Variants in PMEPA1 observed in about 807,000 individuals in gnomAD.
PMEPA1 encodes the protein prostate transmembrane protein, androgen induced 1, also known as protein TMEPAI.
Under a neutral mutation model 23.0 loss-of-function variants are expected in PMEPA1, and 11 were observed. The ratio of observed to expected loss-of-function variants is 0.48; its 90% CI spans 0.30 to 0.79. The LOEUF (loss-of-function observed/expected upper bound fraction) is 0.79, where lower values mean the gene tolerates loss of function less well. Among genes scored for constraint, PMEPA1 ranks in the 30% least tolerant of loss-of-function variants. The pLI, the probability that PMEPA1 is intolerant of heterozygous loss-of-function variation, is 0.06. For missense variants in PMEPA1, 377 were observed against 390.9 expected (o/e 0.96, Z 0.30); for synonymous variants, 204 against 166.4 (o/e 1.23, Z -1.74).
chr20:57,652,010 GC>G lies in PMEPA1; in HGVS notation c.*42del. The G allele has an allele frequency of 2.1e-6, 3 of 1,433,732 alleles. No homozygotes were observed. The highest frequency in any genetic ancestry group is 2.8e-6 in the Non-Finnish European group (3 of 1,083,230). 88.8% of individuals were successfully genotyped at this position (1,433,732 alleles called of 1,614,324 possible). On this transcript the variant is annotated 3_prime_UTR_variant, in exon 4 of 4. Coordinates refer to ENST00000341744, the MANE Select transcript of PMEPA1 (RefSeq NM_020182.5). The surrounding 1 kb of genome is among the most constrained non-coding windows in gnomAD (Gnocchi z 6.1). ...TCTTCTAAGAAGCGCGGAGTGTTCTGCCTTTTCACCTACGCAGCCCCAGCCC... is the reference window on the plus strand; with the variant it reads ...TCTTCTAAGAAGCGCGGAGTGTTCTGCTTTTCACCTACGCAGCCCCAGCCC...
At position 57,681,234 on chromosome 20, in the gene PMEPA1, A is replaced by G. The variant is rs113592976; in HGVS notation, c.110-21537T>C. On this transcript the variant is annotated intron_variant, in intron 1 of 3. Coordinates refer to ENST00000341744, the MANE Select transcript of PMEPA1 (RefSeq NM_020182.5). ...TCTCCAGCACGCTCCATCCACTTGCATGGAATCACGGCAGTGGGGAATGAG... is the reference window on the plus strand; with the variant it reads ...TCTCCAGCACGCTCCATCCACTTGCGTGGAATCACGGCAGTGGGGAATGAG... Among the ~76,000 whole-genome samples, 332 of 152,262 alleles carry G rather than the reference A, an allele frequency of 2.2e-3. 2 individuals carry two copies. Among genetic ancestry groups the G allele is most frequent in the African/African-American group, 7.5e-3 (310 of 41,552 alleles).
intron 1 of PMEPA1, among the ~76,000 whole-genome samples, chr20:57,701,683 G>C (rs1430568506): frequency 6.6e-6 from 1 of 152,140 alleles, no homozygotes; most frequent in East Asian, 1.9e-4. Flanking sequence ...CAACCCCATA[G>C]AACAGATGTC....
In PMEPA1 at chr20:57,660,571, A is replaced by T. The variant is rs927858216; in HGVS notation, c.110-874T>A. On this transcript the variant is annotated intron_variant, in intron 1 of 3. Coordinates refer to ENST00000341744, the MANE Select transcript of PMEPA1 (RefSeq NM_020182.5). ...ACACACACGTCAACACCAACACATG[A>T]CCCAACACTCCTACACAAATAACAC... Among the ~76,000 whole-genome samples, 25 of 137,208 alleles carry T rather than the reference A, an allele frequency of 1.8e-4. 1 individual carries two copies. Among genetic ancestry groups the T allele is most frequent in the Non-Finnish European group, 2.6e-4 (17 of 65,832 alleles). The allele number at this position is 137,208 out of a possible 152,430, so 90.0% of individuals were successfully genotyped here. A position where few individuals can be genotyped will look rare whatever the true frequency, so the allele number is the denominator to read the frequency against.
intron 1 of PMEPA1, among the ~76,000 whole-genome samples, chr20:57,680,472 A>C (rs2071698061): frequency 6.6e-6 from 1 of 152,246 alleles, no homozygotes. Flanking sequence ...TGCCACGCAC[A>C]GGGAAGTCCC....
chr20:57,653,513 T>C (rs1054514079), intron 2 of PMEPA1, among the ~76,000 whole-genome samples: 4 of 152,246 alleles, frequency 2.6e-5, no homozygotes, highest in Admixed American at 6.5e-5. Flanking sequence ...ATTTCAACGC[T>C]GCAGTTTCTG....
At chr20:57,706,827 C>T (rs1275502139) in intron 1 of PMEPA1, among the ~76,000 whole-genome samples, 1 of 152,124 alleles carries the variant, frequency 6.6e-6, no homozygotes, top group Non-Finnish European at 1.5e-5. Flanking sequence ...GAACCCCGAG[C>T]TTGCGTAGGC....
upstream of PMEPA1, chr20:57,710,366 T>G: frequency 3.7e-6 from 5 of 1,335,396 alleles, no homozygotes; most frequent in Non-Finnish European, 4.1e-6. Context: ...CCCAGGCTCT[T>G]GGGGCTAGCC....
At position 57,709,660 on chromosome 20, in the gene PMEPA1, G is replaced by A; in HGVS notation, c.-78C>T. 2 of 975,262 alleles carry A rather than the reference G, an allele frequency of 2.1e-6. No homozygotes were observed. The allele number at this position is 975,262 out of a possible 1,614,324, so 60.4% of individuals were successfully genotyped here. A position where few individuals can be genotyped will look rare whatever the true frequency, so the allele number is the denominator to read the frequency against. On this transcript the variant is annotated 5_prime_UTR_variant, in exon 1 of 4. Coordinates refer to ENST00000341744, the MANE Select transcript of PMEPA1 (RefSeq NM_020182.5). ...GGGGCTCCGGCCGGCGCCCGGAGCT[G>A]GGGCCCCGCATGCAGGAGGCGCGCG...
intron 1 of PMEPA1, among the ~76,000 whole-genome samples, chr20:57,694,480 C>T (rs550844075): frequency 7.2e-5 from 11 of 152,326 alleles, no homozygotes; most frequent in East Asian, 5.8e-4. Flanking sequence ...TGACCATCCA[C>T]GTGCCATCTC....
At chr20:57,653,606 C>T (rs539404054) in intron 2 of PMEPA1, among the ~76,000 whole-genome samples, 2 of 152,352 alleles carry the variant, frequency 1.3e-5, no homozygotes, top group East Asian at 1.9e-4. Flanking sequence ...AAAAACCACC[C>T]GGAGCCCACG....
intron 1 of PMEPA1, chr20:57,690,438 T>C (rs2071865224): frequency 7.7e-7 from 1 of 1,304,340 alleles, no homozygotes; most frequent in Non-Finnish European, 1.0e-6. Flanking sequence ...TCGCCTGTCA[T>C]TTATCAAATT....
rs144310492 is a variant in PMEPA1, at chr20:57,691,991, G to A, written c.109+17483C>T. 2.3e-3 allele frequency among the ~76,000 whole-genome samples: 348 copies of A among 152,244 alleles called. 1 individual carries two copies. Among genetic ancestry groups the A allele is most frequent in the African/African-American group, 7.7e-3 (321 of 41,546 alleles). On this transcript the variant is annotated intron_variant, in intron 1 of 3. Coordinates refer to ENST00000341744, the MANE Select transcript of PMEPA1 (RefSeq NM_020182.5). ...ATTCTCACATCTCCTTCCCCGACGA[G>A]CCTCCCAACTTTTCACATCCCATCA... is the stretch of plus-strand genomic sequence containing the variant.
rs964389897 is a variant in PMEPA1, at chr20:57,690,110, C to G, written c.109+19364G>C. Among the ~76,000 whole-genome samples, 3 of 152,370 alleles carry G rather than the reference C, an allele frequency of 2.0e-5. No homozygotes were observed. The East Asian group carries it at 5.8e-4, about 29-fold the overall frequency. On this transcript the variant is annotated intron_variant, in intron 1 of 3. Transcript: ENST00000341744. ...ACGAGGCTCTTGGGTGAAGGCAGAGCCAGCCAGATCTAACCTTCCCACCTG... is the reference window on the plus strand; with the variant it reads ...ACGAGGCTCTTGGGTGAAGGCAGAGGCAGCCAGATCTAACCTTCCCACCTG...
At chr20:57,680,319 G>C (rs1353322153) in intron 1 of PMEPA1, among the ~76,000 whole-genome samples, 1 of 152,224 alleles carries the variant, frequency 6.6e-6, no homozygotes, top group Non-Finnish European at 1.5e-5. Flanking sequence ...GCAGCTGCTA[G>C]GGCTAAGGTG....
intron 1 of PMEPA1, among the ~76,000 whole-genome samples, chr20:57,705,738 C>T (rs2072073961): frequency 6.6e-6 from 1 of 152,218 alleles, no homozygotes; most frequent in Non-Finnish European, 1.5e-5. Context: ...GGAGAAACCA[C>T]TAACTGATTA....
intron 1 of PMEPA1, among the ~76,000 whole-genome samples, chr20:57,664,018 T>C (rs1568967145): frequency 6.6e-6 from 1 of 152,220 alleles, no homozygotes; most frequent in Non-Finnish European, 1.5e-5. Flanking sequence ...TTCACACCCA[T>C]GGTGCTGCTT....
At chr20:57,698,593 T>A (rs1465270484) in intron 1 of PMEPA1, among the ~76,000 whole-genome samples, 2 of 152,206 alleles carry the variant, frequency 1.3e-5, no homozygotes, top group South Asian at 2.1e-4. Context: ...TACAGAATTA[T>A]TACCAACTAA....
At chr20:57,705,531 C>T (rs1224246021) in intron 1 of PMEPA1, among the ~76,000 whole-genome samples, 2 of 152,210 alleles carry the variant, frequency 1.3e-5, no homozygotes, top group Non-Finnish European at 2.9e-5. Context: ...AAAAGCAAAT[C>T]CAAGACGAAA....
At position 57,652,383 on chromosome 20, in the gene PMEPA1, C is replaced by T; in HGVS notation, c.534G>A (p.Leu178=). 1 of 1,613,776 alleles carries T rather than the reference C, an allele frequency of 6.2e-7. No homozygotes were observed. The highest frequency in any genetic ancestry group is 1.3e-5 in the African/African-American group (1 of 75,040). The change falls in exon 4 of 4, where the codon CTG becomes CTA. Residue 178 remains leucine, a synonymous_variant. Transcript: ENST00000341744. The surrounding 1 kb of genome is among the most constrained non-coding windows in gnomAD (Gnocchi z 6.1). ...QLRDPEQQLE[L]NRESVRAPPN... Reference sequence around the variant, plus strand: ...GGGGTGCGCGCACCGACTCCCGGTTCAGTTCCAGCTGCTGCTCGGGGTCCC... The same window carrying T: ...GGGGTGCGCGCACCGACTCCCGGTTTAGTTCCAGCTGCTGCTCGGGGTCCC...
Sources: allele counts gnomAD v4.1 joint callset (sites outside exome capture counted in the v4.1 genomes callset), GRCh38; gene constraint gnomAD v4.1.1; non-coding constraint Gnocchi (gnomAD v3.1); transcripts MANE v1.5; gene names NCBI Gene and HGNC (gene_info 2026-07-23, HGNC 2026-07-21).